TRMT2B: variants seen among roughly 807,000 people sequenced by gnomAD.
TRMT2B encodes the protein tRNA methyltransferase 2B.
TRMT2B carries 34 observed loss-of-function variants against 39.7 expected under a neutral mutation model. The observed-to-expected ratio is 0.86, with a 90% CI of 0.65 to 1.14. The LOEUF (loss-of-function observed/expected upper bound fraction) is 1.14, where lower values mean the gene tolerates loss of function less well. Among genes scored for constraint, TRMT2B ranks in the 50% most tolerant of loss-of-function variants. TRMT2B has a pLI of 0.00. For missense variants in TRMT2B, 318 were observed against 377.2 expected, an observed-to-expected ratio of 0.84 and a Z score of 1.30; for synonymous variants, 132 against 137.3, an observed-to-expected ratio of 0.96 and a Z score of 0.27.
At chrX:100,991,532 C>A in the TRMT2B span, among the ~76,000 whole-genome samples, 1 of 110,826 alleles carries the variant, frequency 9.0e-6, no homozygotes, top group East Asian at 2.8e-4. Context: ...GCGCCCACCA[C>A]CACGGCCAGC....
At chrX:100,994,989 T>C in the TRMT2B span, among the ~76,000 whole-genome samples, 6 of 111,686 alleles carry the variant, frequency 5.4e-5, no homozygotes, top group Non-Finnish European at 1.1e-4. Flanking sequence ...TCAAATCACT[T>C]ATTTTCAAGG....
In TRMT2B at chrX:101,022,553, G is replaced by A. The variant is rs761772933; in HGVS notation, c.757-491C>T. On this transcript the variant is annotated intron_variant, in intron 8 of 13. Transcript: ENST00000372936. Reference sequence around the variant, plus strand: ...GGAGAATTGCTTGAACCCGGGAGGCGGAGGTTGCAGTGAACTGAGATCATG... The same window carrying A: ...GGAGAATTGCTTGAACCCGGGAGGCAGAGGTTGCAGTGAACTGAGATCATG... Among the ~76,000 whole-genome samples the A allele has an allele frequency of 8.2e-5, 9 of 109,125 alleles. No homozygotes were observed. In the East Asian group the frequency reaches 1.4e-3, roughly 18 times the overall value. The allele number at this position is 109,125 out of a possible 115,157, so 94.8% of individuals were successfully genotyped here.
In TRMT2B at chrX:101,051,472, T is replaced by C; in HGVS notation, c.-245A>G. 3.0e-5 allele frequency: 23 copies of C among 754,457 alleles called. No homozygotes were observed. Among genetic ancestry groups the C allele is most frequent in the Non-Finnish European group, 3.6e-5 (23 of 639,425 alleles). 62.2% of individuals were successfully genotyped at this position (754,457 alleles called of 1,213,427 possible). ...AACAAGACTCCACTAGCCCTTCCATTCCCTTCTTCTTTAGGCAAGTTCTGC... is the reference window on the plus strand; with the variant it reads ...AACAAGACTCCACTAGCCCTTCCATCCCCTTCTTCTTTAGGCAAGTTCTGC... On this transcript the variant is annotated 5_prime_UTR_variant, in exon 2 of 14. Transcript: ENST00000372936.
chrX:101,047,206 C>G (rs1396930318), intron 2 of TRMT2B, among the ~76,000 whole-genome samples: 2 of 86,060 alleles, frequency 2.3e-5, no homozygotes, highest in East Asian at 6.3e-4. Context: ...GACCCTGTCT[C>G]GAAAAAAAAA....
the TRMT2B span, chrX:100,990,391 A>C: frequency 1.1e-6 from 1 of 937,090 alleles, no homozygotes; most frequent in Non-Finnish European, 1.3e-6. Context: ...GGAAACCAAA[A>C]GAAACAGTTG....
chrX:101,029,818 G>C (rs899549042), intron 7 of TRMT2B, among the ~76,000 whole-genome samples: 4 of 111,964 alleles, frequency 3.6e-5, no homozygotes. Context: ...AGTGACCACA[G>C]AGGGGGACCT....
At chrX:100,999,978 T>A in the TRMT2B span, among the ~76,000 whole-genome samples, 5 of 111,463 alleles carry the variant, frequency 4.5e-5, no homozygotes, top group African/African-American at 1.6e-4. Flanking sequence ...ATGACAAAAT[T>A]TGCACTCATT....
At chrX:100,983,090 A>G in the TRMT2B span, among the ~76,000 whole-genome samples, 6 of 111,005 alleles carry the variant, frequency 5.4e-5, no homozygotes, top group African/African-American at 2.0e-4. Flanking sequence ...CTAGGGATAC[A>G]GAAATGAAAT....
At chrX:100,973,435 CG>C in the TRMT2B span, among the ~76,000 whole-genome samples, 1 of 106,563 alleles carries the variant, frequency 9.4e-6, no homozygotes, top group Admixed American at 9.9e-5. Context: ...CGGCGCTCGC[CG>C]GCGCGGCGGC....
chrX:101,007,334 T>C (rs2086117405), downstream of TRMT2B, among the ~76,000 whole-genome samples: 1 of 111,775 alleles, frequency 8.9e-6, no homozygotes, highest in African/African-American at 3.2e-5. Context: ...ATCAATAATG[T>C]TGGACTTTAT....
At chrX:101,033,989 T>C (rs971202257) in intron 7 of TRMT2B, among the ~76,000 whole-genome samples, 1 of 110,375 alleles carries the variant, frequency 9.1e-6, no homozygotes, top group Non-Finnish European at 1.9e-5. Context: ...ATTACAGGCA[T>C]GCACCACCAC....
In TRMT2B at chrX:101,023,599, A is replaced by G; in HGVS notation, c.627T>C (p.Leu209=). The G allele has an allele frequency of 8.3e-7, 1 of 1,208,140 alleles. No homozygotes were observed. The highest frequency in any genetic ancestry group is 1.1e-6 in the Non-Finnish European group (1 of 892,837). Residue 209 remains leucine (L), a synonymous_variant, in exon 8 of 14, where the codon CTT becomes CTC. Transcript: ENST00000372936. ...SQVAQYYEVF[L]RQSPLEPCLV... ...GGCAGGGCTCCAATGGAGACTGTCG[A>G]AGGAATACTTCATAGTACTAGGAAG...
At chrX:101,006,677 C>T (rs747800499), downstream of TRMT2B, among the ~76,000 whole-genome samples, 22 of 109,902 alleles carry the variant, frequency 2.0e-4, no homozygotes, top group Admixed American at 1.8e-3. Context: ...GTAGCAAACA[C>T]GTGTAGTCCC....
the TRMT2B span, among the ~76,000 whole-genome samples, chrX:100,976,368 A>G: frequency 2.7e-5 from 3 of 110,644 alleles, no homozygotes; most frequent in African/African-American, 9.9e-5. Flanking sequence ...GAGTCTATTT[A>G]TTTTGTTACT....
chrX:100,996,599 G>A, the TRMT2B span, among the ~76,000 whole-genome samples: 2 of 111,908 alleles, frequency 1.8e-5, no homozygotes, highest in Non-Finnish European at 3.8e-5. Context: ...CTTATGTTCA[G>A]GGAACTTGCT....
intron 4 of TRMT2B, among the ~76,000 whole-genome samples, chrX:101,038,371 CAAAAAAAAA>C (rs57481304): frequency 8.5e-5 from 3 of 35,207 alleles, no homozygotes; most frequent in African/African-American, 1.9e-4. Context: ...AACTCCGTCT[CAAAAAAAAA>C]AAAAAAAAAA....
At chrX:101,015,590 T>C in intron 13 of TRMT2B, 1 of 728,784 alleles carries the variant, frequency 1.4e-6, no homozygotes, top group Non-Finnish European at 1.6e-6. Flanking sequence ...ATTTTTCTAT[T>C]GGCTGCTGGA....
At chrX:101,023,389 C>A (rs2086892345) in intron 8 of TRMT2B, 81 bp downstream of exon 8, 3 of 1,029,879 alleles carry the variant, frequency 2.9e-6, no homozygotes, top group Non-Finnish European at 4.0e-6. Flanking sequence ...TGCTATATGC[C>A]CTGAAACTTC....
At chrX:101,034,769 C>T (rs773731876) in intron 7 of TRMT2B, among the ~76,000 whole-genome samples, 7 of 111,703 alleles carry the variant, frequency 6.3e-5, no homozygotes, top group Non-Finnish European at 9.4e-5. Context: ...CAGTGGCTCA[C>T]ACCTGTAATC....
Sources: allele counts gnomAD v4.1 joint callset (sites outside exome capture counted in the v4.1 genomes callset), GRCh38; gene constraint gnomAD v4.1.1; transcripts MANE v1.5; gene names NCBI Gene and HGNC (gene_info 2026-07-23, HGNC 2026-07-21).